IL16: variants seen among roughly 807,000 people sequenced by gnomAD.
IL16 encodes pro-interleukin-16.
IL16 carries 67 observed loss-of-function variants against 110.1 expected under a neutral mutation model. That is an observed-to-expected ratio of 0.61 (90% CI 0.50 to 0.75). The LOEUF (loss-of-function observed/expected upper bound fraction) is 0.75, where lower values mean the gene tolerates loss of function less well. Ranked by LOEUF, IL16 falls within the 30% of genes least tolerant of loss-of-function variation. The pLI is 0.00. For missense variants in IL16, 1,545 were observed against 1,655.0 expected (o/e 0.93, Z 1.15); for synonymous variants, 689 against 662.9 (o/e 1.04, Z -0.61).
At position 81,308,981 on chromosome 15, in the gene IL16, A is replaced by G. The variant is rs859; in HGVS notation, c.*183A>G. 0.3 allele frequency: 153,980 copies of G among 517,678 alleles called. 24,585 individuals are homozygous for G. Among genetic ancestry groups the G allele is most frequent in the African/African-American group, 0.47 (23,976 of 50,902 alleles). The allele number at this position is 517,678 out of a possible 1,614,324, so 32.1% of individuals were successfully genotyped here. ...CACCCAGCAAAAGGTTGTTCCTAAA[A>G]TAAGGGCAGAGTCACACGGGGGCAG... is the stretch of plus-strand genomic sequence containing the variant. On this transcript the variant is annotated 3_prime_UTR_variant, in exon 19 of 19. Coordinates refer to ENST00000683961, the MANE Select transcript of IL16 (RefSeq NM_172217.5).
chr15:81,277,008 G>T lies in IL16; in HGVS notation c.791-1809G>T, dbSNP rs115942186. 4.0e-3 allele frequency among the ~76,000 whole-genome samples: 583 copies of T among 146,610 alleles called. 4 individuals carry two copies. The highest frequency in any genetic ancestry group is 0.015 in the African/African-American group (557 of 38,352). The stretch of plus-strand genomic sequence containing the variant: ...AAAGATAAAAAAAGGAATATAAACT[G>T]TAAGACAAGACCGGAAACAGTAAAA... On this transcript the variant is annotated intron_variant, in intron 6 of 18. Transcript: ENST00000683961.
intron 1 of IL16, among the ~76,000 whole-genome samples, chr15:81,216,849 C>T (rs1023099176): frequency 3.3e-5 from 5 of 152,174 alleles, no homozygotes; most frequent in Admixed American, 2.6e-4. Context: ...TCCCTCCTCT[C>T]CACTGCATAC....
chr15:81,252,762 C>G (rs1042504611), intron 2 of IL16, among the ~76,000 whole-genome samples: 1 of 152,094 alleles, frequency 6.6e-6, no homozygotes, highest in Non-Finnish European at 1.5e-5. Context: ...TGGCTTCTTT[C>G]GTTTCATTTA....
chr15:81,249,023 A>C (rs533177797), intron 2 of IL16, among the ~76,000 whole-genome samples: 44 of 151,744 alleles, frequency 2.9e-4, no homozygotes, highest in African/African-American at 9.7e-4. Context: ...CCGCACCTGG[A>C]CCTATTTCTG....
chr15:81,258,336 G>A (rs950462922), intron 2 of IL16, among the ~76,000 whole-genome samples: 11 of 152,226 alleles, frequency 7.2e-5, no homozygotes, highest in Admixed American at 5.9e-4. Flanking sequence ...CAAGTATGTT[G>A]TTTAATATAC....
chr15:81,185,149 C>T (rs140941533), intron 1 of IL16, among the ~76,000 whole-genome samples: 92 of 152,158 alleles, frequency 6.0e-4, no homozygotes, highest in African/African-American at 2.1e-3. Flanking sequence ...ATCCCCCCAA[C>T]GTCTCTCCAA....
chr15:81,232,042 G>GTTTTTTTTGTT (rs1897009237), intron 2 of IL16, among the ~76,000 whole-genome samples: 1 of 57,694 alleles, frequency 1.7e-5, no homozygotes, highest in Non-Finnish European at 3.3e-5. Flanking sequence ...ATTTGTTCTT[G>GTTTTTTTTGTT]TTTTTTTTTT....
chr15:81,236,357 T>G (rs1291341161), intron 2 of IL16, among the ~76,000 whole-genome samples: 1 of 152,148 alleles, frequency 6.6e-6, no homozygotes, highest in Non-Finnish European at 1.5e-5. Context: ...GAGCAGCCAC[T>G]GAGAGGGAAG....
rs763295292 is a variant in IL16 at position 81,261,939 on chromosome 15, G to C, written c.421+2059G>C. ...TTTTTAAAAAAAGAAAACCCACTAG[G>C]CATGATGGCTCGTACCTGAGGTCCC... On this transcript the variant is annotated intron_variant, in intron 3 of 18. Transcript: ENST00000683961. Among the ~76,000 whole-genome samples the C allele has an allele frequency of 1.1e-3, 169 of 152,120 alleles. 3 individuals are homozygous for C. The highest frequency in any genetic ancestry group is 0.01 in the Middle Eastern group (3 of 294).
rs771406571 is a variant in IL16 at position 81,215,517 on chromosome 15, CA to C, written c.-101-9781del. Among the ~76,000 whole-genome samples the C allele has an allele frequency of 1.8e-3, 269 of 152,308 alleles. 1 individual carries two copies. Among genetic ancestry groups the C allele is most frequent in the South Asian group, 5.4e-3 (26 of 4,834 alleles). On this transcript the variant is annotated intron_variant, in intron 1 of 18. Coordinates refer to ENST00000683961, the MANE Select transcript of IL16 (RefSeq NM_172217.5). ...TCCTCATGTTGGCAGGTGTGCTCTG[CA>C]GTCGGGGGTGGAGACAAATGGCCCC...
At chr15:81,199,300 G>C (rs1254261968) in intron 1 of IL16, among the ~76,000 whole-genome samples, 1 of 152,068 alleles carries the variant, frequency 6.6e-6, no homozygotes, top group Non-Finnish European at 1.5e-5. Flanking sequence ...GTTGAAATAA[G>C]GACGAATCTA....
At chr15:81,233,592 A>C (rs1202272557) in intron 2 of IL16, among the ~76,000 whole-genome samples, 1 of 151,882 alleles carries the variant, frequency 6.6e-6, no homozygotes, top group Non-Finnish European at 1.5e-5. Context: ...ATATATATAC[A>C]TGCATATACA....
intron 4 of IL16, 54 bp downstream of exon 4, chr15:81,265,855 G>A: frequency 1.3e-6 from 2 of 1,544,594 alleles, no homozygotes; most frequent in Non-Finnish European, 1.8e-6. Context: ...GGAGAAGGGA[G>A]GGGCCCAACA....
At chr15:81,246,546 A>G (rs1897556025) in intron 2 of IL16, among the ~76,000 whole-genome samples, 1 of 152,116 alleles carries the variant, frequency 6.6e-6, no homozygotes. Flanking sequence ...CTATGATTTT[A>G]TTTGTAATTT....
upstream of IL16, among the ~76,000 whole-genome samples, chr15:81,195,046 C>T (rs534811616): frequency 1.3e-5 from 2 of 152,142 alleles, no homozygotes; most frequent in East Asian, 1.9e-4. Context: ...TCCTGAAGGG[C>T]AGAGGGGTGA....
Position 81,292,936 on chromosome 15 carries a change from C to T in IL16, c.1801C>T (p.Pro601Ser), listed in dbSNP as rs781518294. ...KPMSSKPKPPPRKYFKSDSDP... is the reference protein window; with the variant it reads ...KPMSSKPKPPSRKYFKSDSDP... ...TATGTCCTCCAAGCCCAAGCCTCCA[C>T]CCAGAAAATACTTTAAAAGTGACAG... Residue 601 changes from proline to serine, a missense_variant, in exon 12 of 19, where the codon CCC becomes TCC. By Grantham distance (74) the Pro-to-Ser change is moderately conservative. This residue lies in a region of IL16 where 1,185 missense variants were observed against 1,238.8 expected (regional missense o/e 0.96). Transcript: ENST00000683961. The T allele has an allele frequency of 6.2e-7, 1 of 1,614,210 alleles. No individual in the cohort carries two copies. The highest frequency in any genetic ancestry group is 2.2e-5 in the East Asian group (1 of 44,884).
intron 2 of IL16, among the ~76,000 whole-genome samples, chr15:81,234,424 CT>C (rs1326288450): frequency 6.6e-6 from 1 of 151,828 alleles, no homozygotes; most frequent in African/African-American, 2.4e-5. Flanking sequence ...AATTTTTTTA[CT>C]TTTTTAATCA....
upstream of IL16, among the ~76,000 whole-genome samples, chr15:81,195,429 G>A (rs1390662476): frequency 6.6e-5 from 10 of 152,296 alleles, no homozygotes; most frequent in East Asian, 3.9e-4. Flanking sequence ...CTGAGCAGGC[G>A]ACACTGACAG....
intron 2 of IL16, among the ~76,000 whole-genome samples, chr15:81,231,506 G>C (rs1176064940): frequency 6.6e-6 from 1 of 152,086 alleles, no homozygotes; most frequent in African/African-American, 2.4e-5. Context: ...CTGAGTAGTT[G>C]GGACTACAGG....
Sources: gnomAD v4.1 joint callset for allele counts (sites outside exome capture counted in the v4.1 genomes callset) on GRCh38, gnomAD v4.1.1 for gene constraint, gnomAD v4.1.1 regional missense constraint, MANE v1.5 for transcripts, NCBI Gene and HGNC (gene_info 2026-07-23, HGNC 2026-07-21) for gene names.